GALNTL6: variants seen among roughly 807,000 people sequenced by gnomAD.
The protein encoded by GALNTL6 is polypeptide N-acetylgalactosaminyltransferase like 6.
In GALNTL6, 46 loss-of-function variants were observed where a neutral mutation model predicts 73.7. The ratio of observed to expected loss-of-function variants is 0.62; its 90% CI spans 0.49 to 0.80. The LOEUF (loss-of-function observed/expected upper bound fraction) is 0.80. Among genes scored for constraint, GALNTL6 ranks in the 30% least tolerant of loss-of-function variants. The pLI is 0.00. For synonymous variants in GALNTL6, 259 were observed against 263.7 expected (o/e 0.98, Z 0.17); for missense variants, 604 against 755.0 (o/e 0.80, Z 2.34).
At chr4:172,771,593 A>T (rs1401632267) in intron 5 of GALNTL6, among the ~76,000 whole-genome samples, 2 of 152,148 alleles carry the variant, frequency 1.3e-5, no homozygotes, top group African/African-American at 4.8e-5. Flanking sequence ...TGTCTCTTTA[A>T]CCACGTACTT....
intron 2 of GALNTL6, among the ~76,000 whole-genome samples, chr4:171,981,945 G>A (rs1195063437): frequency 6.6e-6 from 1 of 151,904 alleles, no homozygotes; most frequent in Admixed American, 6.6e-5. Flanking sequence ...TCCTGAAAGA[G>A]GGGGTTAACT....
chr4:172,017,693 C>T (rs1428555863), intron 2 of GALNTL6, among the ~76,000 whole-genome samples: 1 of 152,084 alleles, frequency 6.6e-6, no homozygotes, highest in Non-Finnish European at 1.5e-5. Context: ...TCTTTTGTCC[C>T]ACGGGGTGAT....
At chr4:172,651,233 A>G (rs1182464175) in intron 5 of GALNTL6, among the ~76,000 whole-genome samples, 1 of 152,196 alleles carries the variant, frequency 6.6e-6, no homozygotes, top group African/African-American at 2.4e-5. Flanking sequence ...GTGAGAAAAG[A>G]CAACAAGCCA....
intron 2 of GALNTL6, among the ~76,000 whole-genome samples, chr4:172,122,129 T>C (rs1733167206): frequency 6.6e-6 from 1 of 151,270 alleles, no homozygotes; most frequent in Non-Finnish European, 1.5e-5. Context: ...ATCCCATGAC[T>C]AGGCTGAATT....
In GALNTL6 at chr4:172,985,723, A is replaced by G. The variant is rs187804717; in HGVS notation, c.1372-23455A>G. On this transcript the variant is annotated intron_variant, in intron 10 of 12. Coordinates refer to ENST00000506823, the MANE Select transcript of GALNTL6 (RefSeq NM_001034845.3). ...CAAAGCTGTCCTTTTATGCTGAGTC[A>G]GTTCCTAGGTGGGAACCACAAGACC... Among the ~76,000 whole-genome samples, 104 of 152,374 alleles carry G rather than the reference A, an allele frequency of 6.8e-4. 2 individuals are homozygous for G. The highest frequency in any genetic ancestry group is 3.4e-3 in the Middle Eastern group (1 of 294).
intron 7 of GALNTL6, among the ~76,000 whole-genome samples, chr4:172,839,118 A>G (rs2111077432): frequency 6.6e-6 from 1 of 152,348 alleles, no homozygotes; most frequent in African/African-American, 2.4e-5. Context: ...TTGCTTCAAT[A>G]AAAAGGTGAG....
chr4:172,491,151 T>C lies in GALNTL6; in HGVS notation c.553+142462T>C, dbSNP rs114880806. Among the ~76,000 whole-genome samples the C allele has an allele frequency of 9.3e-3, 1,412 of 152,280 alleles. 22 individuals are homozygous for C. The highest frequency in any genetic ancestry group is 0.032 in the African/African-American group (1,331 of 41,570). On this transcript the variant is annotated intron_variant, in intron 5 of 12. Transcript: ENST00000506823. ...ATTCTAACCTAGGTCTCGTAATTTCTAGAATGAGTTAGTGTTCCCACACCA... is the reference window on the plus strand; with the variant it reads ...ATTCTAACCTAGGTCTCGTAATTTCCAGAATGAGTTAGTGTTCCCACACCA...
rs1440937687 is a variant in GALNTL6, at chr4:172,852,255, T to A, written c.924-30535T>A. Among the ~76,000 whole-genome samples, 9 of 152,150 alleles carry A rather than the reference T, an allele frequency of 5.9e-5. 1 individual carries two copies. Among genetic ancestry groups the A allele is most frequent in the Admixed American group, 5.9e-4 (9 of 15,266 alleles). On this transcript the variant is annotated intron_variant, in intron 7 of 12. Coordinates refer to ENST00000506823, the MANE Select transcript of GALNTL6 (RefSeq NM_001034845.3). ...ACTGAGTGTTTCAGGGGCAGCCTTA[T>A]TTGAGGGGCCTACATTTGAGTCCCA... is the stretch of plus-strand genomic sequence containing the variant.
At chr4:172,318,935 G>T (rs1316315750) in intron 4 of GALNTL6, among the ~76,000 whole-genome samples, 1 of 151,996 alleles carries the variant, frequency 6.6e-6, no homozygotes, top group African/African-American at 2.4e-5. Flanking sequence ...GAAAGCGTAG[G>T]TTTGAGCAAT....
intron 2 of GALNTL6, among the ~76,000 whole-genome samples, chr4:172,041,330 A>T (rs1293555543): frequency 6.6e-6 from 1 of 152,100 alleles, no homozygotes. Flanking sequence ...GTGTTTTAAC[A>T]TTCAGTGGGC....
chr4:172,389,279 A>G (rs74985043), intron 5 of GALNTL6, among the ~76,000 whole-genome samples: 14,337 of 151,638 alleles, frequency 0.095, 771 homozygotes, highest in East Asian at 0.17. Flanking sequence ...AAAATGTTTT[A>G]AAAATAACAG....
Position 172,006,409 on chromosome 4 carries a change from C to T in GALNTL6, c.138+191691C>T, listed in dbSNP as rs1415888927. 3.9e-5 allele frequency among the ~76,000 whole-genome samples: 6 copies of T among 152,164 alleles called. No individual in the cohort carries two copies. In the East Asian group the frequency reaches 1.2e-3, roughly 29 times the overall value. The stretch of plus-strand genomic sequence containing the variant: ...TTGAGCAGCGGAAGTGGGAGGATTG[C>T]TTTAGCCCAGGAGTTCAAGACTAGC... On this transcript the variant is annotated intron_variant, in intron 2 of 12. Coordinates refer to ENST00000506823, the MANE Select transcript of GALNTL6 (RefSeq NM_001034845.3).
At chr4:172,299,877 A>G (rs1211156398) in intron 3 of GALNTL6, among the ~76,000 whole-genome samples, 1 of 152,176 alleles carries the variant, frequency 6.6e-6, no homozygotes, top group Non-Finnish European at 1.5e-5. Flanking sequence ...GTAGATGTCT[A>G]TTAGGTCCGC....
intron 2 of GALNTL6, among the ~76,000 whole-genome samples, chr4:171,867,186 G>A (rs918612976): frequency 3.1e-4 from 47 of 152,082 alleles, no homozygotes; most frequent in African/African-American, 1.1e-3. Flanking sequence ...ATACCATTTT[G>A]AGAGGCAACA....
chr4:172,807,861 T>C (rs1284968030), intron 5 of GALNTL6, among the ~76,000 whole-genome samples: 1 of 152,210 alleles, frequency 6.6e-6, no homozygotes, highest in African/African-American at 2.4e-5. Flanking sequence ...CTCACTCTAT[T>C]GCCCAGGCTG....
At chr4:173,012,047 G>A (rs906086065) in intron 11 of GALNTL6, among the ~76,000 whole-genome samples, 2 of 152,134 alleles carry the variant, frequency 1.3e-5, no homozygotes, top group Admixed American at 6.5e-5. Flanking sequence ...CAGACCACAG[G>A]TGCATACCAC....
intron 5 of GALNTL6, among the ~76,000 whole-genome samples, chr4:172,641,617 C>A (rs1739986312): frequency 6.6e-6 from 1 of 152,086 alleles, no homozygotes; most frequent in Non-Finnish European, 1.5e-5. Flanking sequence ...CCTTCACTGA[C>A]AATTGGCTAC....
At chr4:172,914,397 T>G (rs1049001460) in intron 8 of GALNTL6, among the ~76,000 whole-genome samples, 1 of 152,096 alleles carries the variant, frequency 6.6e-6, no homozygotes, top group Non-Finnish European at 1.5e-5. Flanking sequence ...CACACATAAC[T>G]ATATTAACCT....
intron 4 of GALNTL6, among the ~76,000 whole-genome samples, chr4:172,339,802 T>A (rs1446007051): frequency 6.6e-6 from 1 of 152,222 alleles, no homozygotes; most frequent in Admixed American, 6.5e-5. Context: ...GACTCACTTT[T>A]GACAGCCAGA....
Sources: allele counts gnomAD v4.1 joint callset (sites outside exome capture counted in the v4.1 genomes callset), GRCh38; gene constraint gnomAD v4.1.1; transcripts MANE v1.5; gene names NCBI Gene and HGNC (gene_info 2026-07-23, HGNC 2026-07-21).